The following CEP128 variants were observed in gnomAD, a reference collection of about 807,000 sequenced individuals.
CEP128 encodes the protein centrosomal protein 128.
CEP128 carries 132 observed loss-of-function variants against 156.7 expected under a neutral mutation model. That is an observed-to-expected ratio of 0.84 (90% confidence interval 0.73 to 0.97). CEP128 has a LOEUF of 0.97. CEP128 is among the 50% of genes least tolerant of loss of function. The probability of loss-of-function intolerance (pLI) is 0.00; values close to 1 mark genes in which losing one functional copy is unlikely to be tolerated. For missense variants in CEP128, 1,252 were observed against 1,281.9 expected, an observed-to-expected ratio of 0.98 and a Z score of 0.36; for synonymous variants, 469 against 448.9, an observed-to-expected ratio of 1.04 and a Z score of -0.57.
At chr14:80,494,000 T>C (rs987129886), downstream of CEP128, among the ~76,000 whole-genome samples, 4 of 152,222 alleles carry the variant, frequency 2.6e-5, no homozygotes, top group Non-Finnish European at 5.9e-5. Context: ...TGTAAGCATT[T>C]CTTCCAGCCT....
chr14:80,761,421 G>T lies in CEP128; in HGVS notation c.2553+16C>A. 6.4e-7 allele frequency: 1 copy of T among 1,553,862 alleles called. No homozygotes were observed. Reference sequence around the variant, plus strand: ...ACTAACTGAAAATATAAGGTGCAATGAGAATTCATAATTACTTTTAATTTC... The same window carrying T: ...ACTAACTGAAAATATAAGGTGCAATTAGAATTCATAATTACTTTTAATTTC... On this transcript the variant is annotated intron_variant, in intron 17 of 24. Coordinates refer to ENST00000555265, the MANE Select transcript of CEP128 (RefSeq NM_152446.5).
chr14:80,711,782 A>G (rs1403841003), intron 19 of CEP128, among the ~76,000 whole-genome samples: 1 of 152,150 alleles, frequency 6.6e-6, no homozygotes, highest in Non-Finnish European at 1.5e-5. Context: ...TAATGCGATT[A>G]TTGTTTATTA....
intron 19 of CEP128, among the ~76,000 whole-genome samples, chr14:80,706,423 G>C (rs553472377): frequency 6.7e-6 from 1 of 149,698 alleles, no homozygotes; most frequent in African/African-American, 2.4e-5. Flanking sequence ...ACTTGTACTC[G>C]TGTGTGTGTG....
At chr14:80,948,788 T>A (rs1886398839) in intron 2 of CEP128, among the ~76,000 whole-genome samples, 1 of 152,214 alleles carries the variant, frequency 6.6e-6, no homozygotes. Context: ...CATCATCTTA[T>A]CTCATGTGTT....
chr14:80,699,655 GATTAAACCT>G (rs58117960), intron 19 of CEP128, among the ~76,000 whole-genome samples: 131,319 of 151,482 alleles, frequency 0.87, 57,005 homozygotes, highest in East Asian at 0.98. Flanking sequence ...TACACAGAGA[GATTAAACCT>G]ATTAAACCTG....
At chr14:80,748,844 TA>T (rs1186433448) in intron 18 of CEP128, among the ~76,000 whole-genome samples, 1 of 152,088 alleles carries the variant, frequency 6.6e-6, no homozygotes, top group Non-Finnish European at 1.5e-5. Flanking sequence ...AGTAGACTCC[TA>T]AAGTTCCTGA....
rs141408251 is a variant in CEP128, at chr14:80,823,575, T to A, written c.1209+7568A>T. 6.0e-3 allele frequency among the ~76,000 whole-genome samples: 908 copies of A among 151,706 alleles called. 9 individuals carry two copies. The highest frequency in any genetic ancestry group is 0.021 in the African/African-American group (871 of 41,396). ...ATACCATGATTGTTTATGGAAAGTA[T>A]CTTTAATAAAGCTGGATACAGTTTG... On this transcript the variant is annotated intron_variant, in intron 13 of 24. Transcript: ENST00000555265.
At chr14:80,925,958 C>T (rs1021091015) in intron 2 of CEP128, among the ~76,000 whole-genome samples, 2 of 152,086 alleles carry the variant, frequency 1.3e-5, no homozygotes, top group South Asian at 2.1e-4. Context: ...GGAGCAGCAT[C>T]GAACCGTGTT....
Position 80,904,879 on chromosome 14 carries a change from C to T in CEP128, c.414G>A (p.Gln138=), listed in dbSNP as rs759470827. 1.9e-6 allele frequency: 3 copies of T among 1,612,626 alleles called. No individual in the cohort carries two copies. The highest frequency in any genetic ancestry group is 2.5e-6 in the Non-Finnish European group (3 of 1,178,800). The change falls in exon 6 of 25, where the codon CAG becomes CAA. Residue 138 remains glutamine, a synonymous_variant. Coordinates refer to ENST00000555265, the MANE Select transcript of CEP128 (RefSeq NM_152446.5). ...TSPLKDYGDP[Q]GIKRMRSRTG... is the part of the protein sequence containing the mutation. ...TTCTTGATCTCATTCGTTTAATACC[C>T]TGTGGATCCCCATAGTCCTTGAGAG...
At chr14:80,913,755 G>C (rs1884385557) in intron 4 of CEP128, among the ~76,000 whole-genome samples, 1 of 152,008 alleles carries the variant, frequency 6.6e-6, no homozygotes, top group Non-Finnish European at 1.5e-5. Context: ...ATAATGGACA[G>C]TGGAGACTCA....
chr14:80,909,301 CCT>C (rs751950928), intron 4 of CEP128, among the ~76,000 whole-genome samples: 3 of 150,776 alleles, frequency 2.0e-5, no homozygotes, highest in Non-Finnish European at 3.0e-5. Flanking sequence ...TTGCCAGCAT[CCT>C]TTTTATGTAG....
chr14:80,547,016 A>T (rs1210622290), intron 21 of CEP128, among the ~76,000 whole-genome samples: 1 of 152,224 alleles, frequency 6.6e-6, no homozygotes, highest in African/African-American at 2.4e-5. Context: ...AAAGTTTAAT[A>T]AAAGCTCTAA....
intron 19 of CEP128, among the ~76,000 whole-genome samples, chr14:80,711,329 G>A (rs2139412051): frequency 6.6e-6 from 1 of 150,464 alleles, no homozygotes; most frequent in South Asian, 2.2e-4. Flanking sequence ...GTGTGTGTGT[G>A]TGTGTCTATA....
chr14:80,647,126 T>TACACAC lies in CEP128; in HGVS notation c.2807-66709_2807-66704dup, dbSNP rs1303390846. ...ACACATACACACACACACACACACA[T>TACACAC]ACACACACACACACACACACACTGC... On this transcript the variant is annotated intron_variant, in intron 19 of 24. Coordinates refer to ENST00000555265, the MANE Select transcript of CEP128 (RefSeq NM_152446.5). Among the ~76,000 whole-genome samples, 217 of 88,078 alleles carry TACACAC rather than the reference T, an allele frequency of 2.5e-3. 12 individuals are homozygous for TACACAC. The highest frequency in any genetic ancestry group is 7.7e-3 in the African/African-American group (207 of 26,904). 57.8% of individuals were successfully genotyped at this position (88,078 alleles called of 152,430 possible). A position where few individuals can be genotyped will look rare whatever the true frequency, so the allele number is the denominator to read the frequency against.
chr14:80,872,759 T>C (rs2371419), intron 8 of CEP128, among the ~76,000 whole-genome samples: 2 of 152,206 alleles, frequency 1.3e-5, no homozygotes, highest in African/African-American at 2.4e-5. Context: ...CAGCAGGTTA[T>C]GAATTCACAA....
intron 19 of CEP128, among the ~76,000 whole-genome samples, chr14:80,651,144 G>A (rs1011359349): frequency 1.3e-5 from 2 of 151,980 alleles, no homozygotes; most frequent in Non-Finnish European, 2.9e-5. Context: ...TTTAGAATTA[G>A]GAGGGTGTAT....
At chr14:80,860,008 A>G (rs1887435952) in intron 9 of CEP128, among the ~76,000 whole-genome samples, 1 of 152,222 alleles carries the variant, frequency 6.6e-6, no homozygotes, top group African/African-American at 2.4e-5. Flanking sequence ...CAGTGGCTAG[A>G]AGTTCAGGCC....
At chr14:80,936,951 A>G (rs1885840086) in intron 2 of CEP128, among the ~76,000 whole-genome samples, 1 of 151,970 alleles carries the variant, frequency 6.6e-6, no homozygotes, top group Non-Finnish European at 1.5e-5. Flanking sequence ...CTATGTACCC[A>G]CAAAAATTAA....
At chr14:80,859,661 T>C (rs756194364) in intron 9 of CEP128, among the ~76,000 whole-genome samples, 14 of 152,110 alleles carry the variant, frequency 9.2e-5, no homozygotes, top group Non-Finnish European at 1.9e-4. Flanking sequence ...TGGGCGTGCA[T>C]GGCCCTTTTG....
Sources: allele counts gnomAD v4.1 joint callset (sites outside exome capture counted in the v4.1 genomes callset), GRCh38; gene constraint gnomAD v4.1.1; transcripts MANE v1.5; gene names NCBI Gene and HGNC (gene_info 2026-07-23, HGNC 2026-07-21).